Variants in MGAT5 observed in about 807,000 individuals in gnomAD.
MGAT5 encodes the protein alpha-1,6-mannosylglycoprotein 6-beta-N-acetylglucosaminyltransferase A.
MGAT5 carries 30 observed loss-of-function variants against 94.3 expected under a neutral mutation model. The observed-to-expected ratio is 0.32, with a 90% CI of 0.24 to 0.43. The LOEUF (loss-of-function observed/expected upper bound fraction) is 0.43. Ranked by LOEUF, MGAT5 falls within the 20% of genes least tolerant of loss-of-function variation. The pLI, the probability that MGAT5 is intolerant of heterozygous loss-of-function variation, is 1.00. For synonymous variants in MGAT5, 310 were observed against 322.9 expected (o/e 0.96, Z 0.43); for missense variants, 691 against 905.5 (o/e 0.76, Z 3.04).
rs1397059108 is a variant in MGAT5 at position 134,254,410 on chromosome 2, C to T, written c.7C>T (p.Leu3Phe). The T allele has an allele frequency of 3.1e-6, 5 of 1,614,064 alleles. No individual in the cohort carries two copies. The South Asian group carries it at 4.4e-5, about 14-fold the overall frequency. The change falls in exon 1 of 16, where the codon CTC becomes TTC. Residue 3 changes from leucine (L) to phenylalanine (F), a missense_variant. Physicochemically the swap from Leu to Phe is conservative, Grantham distance 22 (BLOSUM62 0). Around this residue, in one of 4 missense-constraint regions of MGAT5, gnomAD observed 307 missense variants for 335.4 expected, o/e 0.92. Transcript: ENST00000281923. MA[L>F]FTPWKLSSQK... ...GTGAAGTTGCCAGAGAGCAATGGCT[C>T]TCTTCACTCCGTGGAAGTTGTCCTC...
chr2:134,313,627 A>G (rs1483227314), intron 2 of MGAT5, among the ~76,000 whole-genome samples: 1 of 152,168 alleles, frequency 6.6e-6, no homozygotes. Flanking sequence ...AAAAAATGGC[A>G]TGGGGAAAGC....
At chr2:134,299,965 G>A (rs113480401) in intron 2 of MGAT5, among the ~76,000 whole-genome samples, 1 of 152,092 alleles carries the variant, frequency 6.6e-6, no homozygotes, top group African/African-American at 2.4e-5. Flanking sequence ...ATGAAATTTT[G>A]TCATATCATT....
intron 14 of MGAT5, among the ~76,000 whole-genome samples, chr2:134,430,029 C>A (rs945606508): frequency 6.6e-6 from 1 of 152,176 alleles, no homozygotes; most frequent in Non-Finnish European, 1.5e-5. Context: ...CAGAAGGTGT[C>A]CAGAGCTTTG....
chr2:134,121,268 G>A (rs1434321004), intron 1 of MGAT5, among the ~76,000 whole-genome samples: 2 of 152,248 alleles, frequency 1.3e-5, no homozygotes, highest in Non-Finnish European at 2.9e-5. Flanking sequence ...GAGGCCTGGA[G>A]CGCGGCTCTC....
intron 14 of MGAT5, among the ~76,000 whole-genome samples, chr2:134,431,087 G>A (rs939723583): frequency 3.3e-5 from 5 of 152,170 alleles, no homozygotes; most frequent in African/African-American, 1.2e-4. Flanking sequence ...GTGAAGGCCT[G>A]GAGGGGGGAG....
intron 6 of MGAT5, among the ~76,000 whole-genome samples, chr2:134,341,111 G>A (rs1688602688): frequency 6.6e-6 from 1 of 152,088 alleles, no homozygotes; most frequent in African/African-American, 2.4e-5. Context: ...TAGAGGGGTT[G>A]GGAGAAAATG....
At chr2:134,142,010 G>A (rs1686681346) in intron 1 of MGAT5, among the ~76,000 whole-genome samples, 1 of 152,212 alleles carries the variant, frequency 6.6e-6, no homozygotes, top group African/African-American at 2.4e-5. Flanking sequence ...TGGGGTGGCA[G>A]GGCAGGGTAC....
chr2:134,293,329 C>T (rs1048907613), intron 2 of MGAT5, among the ~76,000 whole-genome samples: 4 of 152,108 alleles, frequency 2.6e-5, no homozygotes, highest in African/African-American at 7.2e-5. Context: ...TATACGTATG[C>T]GAGGGAAATA....
chr2:134,412,616 T>G (rs796925217), intron 11 of MGAT5, among the ~76,000 whole-genome samples: 27 of 152,100 alleles, frequency 1.8e-4, no homozygotes, highest in African/African-American at 6.3e-4. Flanking sequence ...GACACTTAAT[T>G]TTTTAGTTCC....
intron 2 of MGAT5, among the ~76,000 whole-genome samples, chr2:134,291,096 C>T (rs1415540371): frequency 6.6e-6 from 1 of 152,066 alleles, no homozygotes; most frequent in East Asian, 1.9e-4. Flanking sequence ...ACACACAAAA[C>T]ATAAAGCAAG....
chr2:134,390,902 C>G (rs1383411447), intron 10 of MGAT5, among the ~76,000 whole-genome samples: 1 of 152,204 alleles, frequency 6.6e-6, no homozygotes, highest in African/African-American at 2.4e-5. Context: ...ATAAACGTCT[C>G]TTCTTTAGCA....
intron 10 of MGAT5, among the ~76,000 whole-genome samples, chr2:134,364,376 T>C (rs548383264): frequency 1.3e-5 from 2 of 152,252 alleles, no homozygotes; most frequent in East Asian, 3.9e-4. Flanking sequence ...GGCAGGTGAC[T>C]GTAATCCAAG....
At chr2:134,339,449 C>T (rs1032230229) in intron 6 of MGAT5, among the ~76,000 whole-genome samples, 6 of 152,014 alleles carry the variant, frequency 3.9e-5, no homozygotes, top group African/African-American at 7.2e-5. Flanking sequence ...AGTTTGAAAA[C>T]GTATTTTTCT....
chr2:134,195,297 A>G (rs1158242241), intron 1 of MGAT5, among the ~76,000 whole-genome samples: 3 of 152,198 alleles, frequency 2.0e-5, no homozygotes, highest in Non-Finnish European at 1.5e-5. Context: ...ATACTCCTTT[A>G]CATTTTTAAC....
chr2:134,228,772 T>G (rs1156440561), intron 1 of MGAT5, among the ~76,000 whole-genome samples: 1 of 152,030 alleles, frequency 6.6e-6, no homozygotes, highest in Non-Finnish European at 1.5e-5. Flanking sequence ...TGTAGCGGAG[T>G]GTTGCCAGTG....
chr2:134,315,423 G>A (rs1479297548), intron 2 of MGAT5, among the ~76,000 whole-genome samples: 2 of 152,182 alleles, frequency 1.3e-5, no homozygotes, highest in East Asian at 1.9e-4. Flanking sequence ...AATAGTGATA[G>A]GAATAATGGT....
At chr2:134,172,596 C>T (rs182641336) in intron 1 of MGAT5, among the ~76,000 whole-genome samples, 159 of 152,242 alleles carry the variant, frequency 1.0e-3, no homozygotes, top group African/African-American at 3.2e-3. Flanking sequence ...CCGTGTTAGC[C>T]AGGATGGTCT....
intron 1 of MGAT5, among the ~76,000 whole-genome samples, chr2:134,207,773 A>G (rs1461631055): frequency 6.6e-6 from 1 of 152,094 alleles, no homozygotes; most frequent in African/African-American, 2.4e-5. Flanking sequence ...TGCTCTTGCC[A>G]TCTACCGCCC....
intron 1 of MGAT5, among the ~76,000 whole-genome samples, chr2:134,160,365 G>A (rs1687674610): frequency 1.3e-5 from 2 of 152,260 alleles, no homozygotes; most frequent in East Asian, 3.9e-4. Flanking sequence ...ATAGAGACAG[G>A]GTTTCATCTT....
Sources: gnomAD v4.1 joint callset for allele counts (sites outside exome capture counted in the v4.1 genomes callset) on GRCh38, gnomAD v4.1.1 for gene constraint, gnomAD v4.1.1 regional missense constraint, MANE v1.5 for transcripts, NCBI Gene and HGNC (gene_info 2026-07-23, HGNC 2026-07-21) for gene names.